The following SULT1A1 variants were observed in gnomAD, a reference collection of about 807,000 sequenced individuals.
SULT1A1 encodes the protein sulfotransferase 1A1.
A neutral mutation model predicts 36.8 loss-of-function variants in SULT1A1; 35 were observed. That is an observed-to-expected ratio of 0.95 (90% CI 0.73 to 1.26). The LOEUF (loss-of-function observed/expected upper bound fraction) is 1.26. Ranked by LOEUF, SULT1A1 falls within the 50% of genes most tolerant of loss-of-function variation. The probability of loss-of-function intolerance (pLI) is 0.00; values close to 1 mark genes in which losing one functional copy is unlikely to be tolerated. For missense variants in SULT1A1, 309 were observed against 383.0 expected (o/e 0.81, Z 1.61); for synonymous variants, 119 against 146.0 (o/e 0.82, Z 1.33).
In SULT1A1 at chr16:28,623,145, G is replaced by T. The variant is rs753526361; in HGVS notation, c.53C>A (p.Ser18Ter). The T allele has an allele frequency of 2.0e-6, 3 of 1,521,260 alleles. No individual in the cohort carries two copies. Among genetic ancestry groups the T allele is most frequent in the South Asian group, 1.2e-5 (1 of 83,464 alleles). 94.2% of individuals were successfully genotyped at this position (1,521,260 alleles called of 1,614,324 possible). ...CGGCCCCTCACCGGCGTAGAAGGCC[G>T]AGACCGCGATGGGCGCACCGACCAC... The change falls in exon 1 of 6, where the codon TCG (serine) becomes TAG (stop). Residue 18 changes from serine to a stop codon, truncating the protein, a stop_gained. Coordinates refer to the SULT1A1 transcript ENST00000350842. LOFTEE classifies it high-confidence loss of function.
chr16:28,621,506 A>AAAG (rs1555485635), intron 1 of SULT1A1, among the ~76,000 whole-genome samples: 17,919 of 42,088 alleles, frequency 0.43, 5,709 homozygotes, highest in South Asian at 0.71. Flanking sequence ...AAAAAAAAAA[A>AAAG]AAGAAGAAGA....
upstream of SULT1A1, chr16:28,610,289 T>A: frequency 9.4e-7 from 1 of 1,058,914 alleles, no homozygotes; most frequent in Admixed American, 3.6e-5. Context: ...TTTTTTTTTT[T>A]TCCGAGCTGT....
chr16:28,606,720 C>G, intron 6 of SULT1A1, 41 bp downstream of exon 6: 3 of 1,606,296 alleles, frequency 1.9e-6, no homozygotes, highest in Non-Finnish European at 2.6e-6. Flanking sequence ...GGTGCCTGCC[C>G]CCAGGAGTCA....
chr16:28,605,586 A>T lies in SULT1A1; in HGVS notation c.*235T>A. ...TCTGCCTGGCCCACAATCATATTTT[A>T]TTCTCTTTTTAAAAATTGGTTTTAT... On this transcript the variant is annotated 3_prime_UTR_variant, in exon 8 of 8. Transcript: ENST00000314752. 1 of 720,708 alleles carries T rather than the reference A, an allele frequency of 1.4e-6. No individual in the cohort carries two copies. Among genetic ancestry groups the T allele is most frequent in the Non-Finnish European group, 2.2e-6 (1 of 448,296 alleles). 44.6% of individuals were successfully genotyped at this position (720,708 alleles called of 1,614,324 possible).
At chr16:28,606,384 C>A in intron 6 of SULT1A1, 148 bp from the exon 7 acceptor site, 1 of 1,430,780 alleles carries the variant, frequency 7.0e-7, no homozygotes, top group African/African-American at 1.4e-5. Flanking sequence ...GGCCCCAGTC[C>A]CGGGGGTAAA....
intron 2 of SULT1A1, among the ~76,000 whole-genome samples, chr16:28,616,642 C>T (rs1045191730): frequency 1.1e-4 from 17 of 152,142 alleles, no homozygotes; most frequent in Middle Eastern, 3.4e-3. Flanking sequence ...AAGCTGGTCT[C>T]GAACTCCTAA....
intron 4 of SULT1A1, chr16:28,607,663 A>G (rs2047266691): frequency 1.5e-5 from 1 of 67,336 alleles, no homozygotes; most frequent in Non-Finnish European, 3.9e-5. Flanking sequence ...TCAAAAAAAA[A>G]AAAAAAAAAA....
At chr16:28,620,200 A>C in intron 1 of SULT1A1, 1 of 1,488,552 alleles carries the variant, frequency 6.7e-7, no homozygotes, top group Non-Finnish European at 9.3e-7. Context: ...GTTCATGTTT[A>C]AGTTTACCAT....
chr16:28,617,864 A>T (rs1017648621), intron 2 of SULT1A1, among the ~76,000 whole-genome samples: 1 of 151,860 alleles, frequency 6.6e-6, no homozygotes, highest in Admixed American at 6.6e-5. Context: ...TTCCCAAAAA[A>T]TCTCCAAATG....
At chr16:28,617,650 T>A (rs988091688) in intron 2 of SULT1A1, among the ~76,000 whole-genome samples, 7 of 152,128 alleles carry the variant, frequency 4.6e-5, no homozygotes, top group African/African-American at 1.7e-4. Flanking sequence ...CCAGCAATTG[T>A]CCTGCCTCAG....
intron 4 of SULT1A1, 69 bp downstream of exon 4, chr16:28,608,222 G>C: frequency 6.3e-7 from 1 of 1,589,392 alleles, no homozygotes; most frequent in Non-Finnish European, 8.6e-7. Flanking sequence ...CCCAACCTCA[G>C]GTGATCTGCC....
Position 28,608,384 on chromosome 16 carries a change from C to T in SULT1A1, c.279G>A (p.Met93Ile), listed in dbSNP as rs753016262. 4.3e-6 allele frequency: 7 copies of T among 1,612,410 alleles called. No individual in the cohort carries two copies. Among genetic ancestry groups the T allele is most frequent in the Non-Finnish European group, 5.9e-6 (7 of 1,178,696 alleles). ...EFKAPGIPSG[M>I]ETLKDTPAPR... ...GGGCCGGTGTGTCTTTCAGAGTCTC[C>T]ATCCCTGAGCAGTGGGTCAGGGAAG... Residue 93 changes from methionine (M) to isoleucine (I), a missense_variant, in exon 4 of 8, where the codon ATG becomes ATA. Physicochemically the swap from Met to Ile is conservative, Grantham distance 10. Transcript: ENST00000314752.
chr16:28,605,583 T>G lies in SULT1A1; in HGVS notation c.*238A>C. Reference sequence around the variant, plus strand: ...CACTCTGCCTGGCCCACAATCATATTTTATTCTCTTTTTAAAAATTGGTTT... The same window carrying G: ...CACTCTGCCTGGCCCACAATCATATGTTATTCTCTTTTTAAAAATTGGTTT... On this transcript the variant is annotated 3_prime_UTR_variant, in exon 8 of 8. Coordinates refer to ENST00000314752, the MANE Select transcript of SULT1A1 (RefSeq NM_001055.4). 1 of 715,208 alleles carries G rather than the reference T, an allele frequency of 1.4e-6. No individual in the cohort carries two copies. 44.3% of individuals were successfully genotyped at this position (715,208 alleles called of 1,614,324 possible). A position where few individuals can be genotyped will look rare whatever the true frequency, so the allele number is the denominator to read the frequency against.
chr16:28,618,952 AG>A (rs2047599109), intron 2 of SULT1A1, among the ~76,000 whole-genome samples: 1 of 152,224 alleles, frequency 6.6e-6, no homozygotes, highest in African/African-American at 2.4e-5. Flanking sequence ...ATCATTAATA[AG>A]AGTTAATATA....
chr16:28,610,284 T>TC, upstream of SULT1A1: 1 of 1,086,498 alleles, frequency 9.2e-7, no homozygotes, highest in Non-Finnish European at 1.2e-6. Context: ...TTTTTTTTTT[T>TC]TTTTTTCCGA....
exon 1 of SULT1A1, chr16:28,623,244 C>T: frequency 6.5e-7 from 1 of 1,545,294 alleles, no homozygotes; most frequent in Non-Finnish European, 8.7e-7. Context: ...CAGGCCCAGC[C>T]ACACGTAGTT....
chr16:28,606,397 G>T (rs1472388340), intron 6 of SULT1A1, among the ~76,000 whole-genome samples, 161 bp from the exon 7 acceptor site: 1 of 151,860 alleles, frequency 6.6e-6, no homozygotes, highest in Non-Finnish European at 1.5e-5. Context: ...GGGGTAAAAA[G>T]AATTGCTGTC....
chr16:28,609,048 C>G, intron 1 of SULT1A1, 189 bp from the exon 2 acceptor site: 2 of 1,476,380 alleles, frequency 1.4e-6, no homozygotes, highest in Non-Finnish European at 1.8e-6. Flanking sequence ...GGTTCCCCAG[C>G]CTGGCCTCAC....
intron 2 of SULT1A1, among the ~76,000 whole-genome samples, chr16:28,619,849 ATG>A (rs1258149110): frequency 6.6e-6 from 1 of 151,748 alleles, no homozygotes; most frequent in East Asian, 1.9e-4. Flanking sequence ...ACATACATAT[ATG>A]TGTCAATTAA....
Sources: gnomAD v4.1 joint callset for allele counts (sites outside exome capture counted in the v4.1 genomes callset) on GRCh38, gnomAD v4.1.1 for gene constraint, MANE v1.5 for transcripts, NCBI Gene and HGNC (gene_info 2026-07-23, HGNC 2026-07-21) for gene names.